The following KBTBD2 variants were observed in gnomAD, a reference collection of about 807,000 sequenced individuals.
The protein encoded by KBTBD2 is kelch repeat and BTB domain containing 2.
Under a neutral mutation model 57.1 loss-of-function variants are expected in KBTBD2, and 17 were observed. The observed-to-expected ratio is 0.30, with a 90% confidence interval of 0.20 to 0.45. The LOEUF is 0.45. KBTBD2 is among the 20% of genes least tolerant of loss of function. KBTBD2 has a pLI of 1.00. For synonymous variants in KBTBD2, 267 were observed against 262.7 expected, an observed-to-expected ratio of 1.02 and a Z score of -0.16; for missense variants, 515 against 750.6, an observed-to-expected ratio of 0.69 and a Z score of 3.67.
At chr7:32,882,095 T>G (rs1386725332) in intron 1 of KBTBD2, among the ~76,000 whole-genome samples, 1 of 152,196 alleles carries the variant, frequency 6.6e-6, no homozygotes, top group African/African-American at 2.4e-5. Flanking sequence ...CAACTTGATT[T>G]TTCAGAGCTT....
chr7:32,885,908 A>AG (rs1562537979), intron 1 of KBTBD2, among the ~76,000 whole-genome samples: 1 of 40,600 alleles, frequency 2.5e-5, no homozygotes, highest in African/African-American at 8.8e-5. Flanking sequence ...CTGTCTACAC[A>AG]CTTTTTTTTT....
intron 3 of KBTBD2, among the ~76,000 whole-genome samples, chr7:32,872,755 A>G (rs1338261617): frequency 6.6e-6 from 1 of 152,216 alleles, no homozygotes; most frequent in Non-Finnish European, 1.5e-5. Context: ...TGCTGACATG[A>G]CACTTGAAAT....
intron 1 of KBTBD2, among the ~76,000 whole-genome samples, chr7:32,883,388 C>T (rs1296601195): frequency 1.3e-5 from 2 of 151,930 alleles, no homozygotes; most frequent in African/African-American, 2.4e-5. Context: ...CTCTGTCTCA[C>T]GAAAATAAAA....
chr7:32,879,389 A>C (rs2127953151), intron 2 of KBTBD2, 46 bp downstream of exon 2: 1 of 1,416,668 alleles, frequency 7.1e-7, no homozygotes. Flanking sequence ...TAAAAAATTA[A>C]ATAACATTTC....
chr7:32,876,568 T>C (rs901927072), intron 2 of KBTBD2, among the ~76,000 whole-genome samples: 1 of 152,136 alleles, frequency 6.6e-6, no homozygotes, highest in Non-Finnish European at 1.5e-5. Context: ...CTATAAGAGC[T>C]AAAGGCTAGA....
intron 1 of KBTBD2, among the ~76,000 whole-genome samples, chr7:32,883,949 T>C (rs1784503849): frequency 6.6e-6 from 1 of 152,174 alleles, no homozygotes; most frequent in Admixed American, 6.5e-5. Flanking sequence ...AGCAAGCAAA[T>C]GAGTGAAGCA....
intron 1 of KBTBD2, among the ~76,000 whole-genome samples, chr7:32,885,773 A>G (rs971429546): frequency 5.9e-5 from 9 of 152,212 alleles, no homozygotes; most frequent in African/African-American, 2.2e-4. Flanking sequence ...TAAAAAGTGT[A>G]CATATTCTTA....
chr7:32,882,327 A>G (rs1784464668), intron 1 of KBTBD2, among the ~76,000 whole-genome samples: 1 of 152,230 alleles, frequency 6.6e-6, no homozygotes, highest in African/African-American at 2.4e-5. Flanking sequence ...TCATGCCGCT[A>G]GACCCCAGAA....
chr7:32,874,473 C>T (rs1268953885), intron 3 of KBTBD2: 5 of 151,678 alleles, frequency 3.3e-5, no homozygotes, highest in African/African-American at 1.2e-4. Flanking sequence ...TGGTGCACAC[C>T]TTTAGTCATC....
intron 3 of KBTBD2, among the ~76,000 whole-genome samples, chr7:32,874,074 G>T (rs1306168878): frequency 6.6e-6 from 1 of 152,094 alleles, no homozygotes; most frequent in African/African-American, 2.4e-5. Flanking sequence ...ACCAGCCTGG[G>T]CAACACAGTG....
rs1318712466 is a variant in KBTBD2, at chr7:32,868,504, T to C, written c.*841A>G. ...AGTAATGCTTGTTATTAAATTAAGA[T>C]GTAATGACCTGGTTAACCCACTCTA... On this transcript the variant is annotated 3_prime_UTR_variant, in exon 4 of 4. Transcript: ENST00000304056. The C allele has an allele frequency of 6.6e-6, 1 of 152,614 alleles. No individual in the cohort carries two copies. Among genetic ancestry groups the C allele is most frequent in the African/African-American group, 2.4e-5 (1 of 41,440 alleles). 9.5% of individuals were successfully genotyped at this position (152,614 alleles called of 1,614,324 possible). A position where few individuals can be genotyped will look rare whatever the true frequency, so the allele number is the denominator to read the frequency against.
intron 1 of KBTBD2, among the ~76,000 whole-genome samples, chr7:32,887,662 C>T (rs1784614357): frequency 6.6e-6 from 1 of 152,192 alleles, no homozygotes; most frequent in East Asian, 1.9e-4. Flanking sequence ...TCTCCCAATG[C>T]TACAAATGTC....
At position 32,870,873 on chromosome 7, in the gene KBTBD2, T is replaced by C; in HGVS notation, c.344A>G (p.Asp115Gly). The C allele has an allele frequency of 6.5e-7, 1 of 1,542,104 alleles. No homozygotes were observed. Among genetic ancestry groups the C allele is most frequent in the South Asian group, 1.2e-5 (1 of 81,288 alleles). Residue 115 changes from aspartate (D) to glycine (G), a missense_variant, in exon 4 of 4, where the codon GAT becomes GGT. Coordinates refer to ENST00000304056, the MANE Select transcript of KBTBD2 (RefSeq NM_015483.3). ...YETACFLQVE[D>G]VLQRCREYLI... is the part of the protein sequence containing the mutation. ...ATATTCTCGACAACGTTGTAACACA[T>C]CTTCTACCTAGAATGAGAAGGAAAA...
chr7:32,884,441 G>T (rs1224057961), intron 1 of KBTBD2, among the ~76,000 whole-genome samples: 1 of 148,024 alleles, frequency 6.8e-6, no homozygotes, highest in Non-Finnish European at 1.5e-5. Flanking sequence ...TGTAATCCCA[G>T]CACTTTGGGA....
chr7:32,889,123 C>G (rs1463142900), intron 1 of KBTBD2, among the ~76,000 whole-genome samples: 2 of 151,958 alleles, frequency 1.3e-5, no homozygotes, highest in African/African-American at 4.8e-5. Context: ...ACCATCCTGG[C>G]TAACACGGTG....
upstream of KBTBD2, chr7:32,891,866 G>A (rs1247503756): frequency 1.8e-5 from 2 of 110,528 alleles, no homozygotes; most frequent in African/African-American, 7.6e-5. Flanking sequence ...GGGGCCGCGA[G>A]ACGCCGGGCC....
At chr7:32,889,967 G>A (rs903535981) in intron 1 of KBTBD2, among the ~76,000 whole-genome samples, 1 of 152,206 alleles carries the variant, frequency 6.6e-6, no homozygotes, top group African/African-American at 2.4e-5. Flanking sequence ...CTATGGAGGA[G>A]CATGGACATA....
intron 1 of KBTBD2, among the ~76,000 whole-genome samples, chr7:32,889,019 C>G (rs1784658548): frequency 6.6e-6 from 1 of 152,074 alleles, no homozygotes; most frequent in Non-Finnish European, 1.5e-5. Flanking sequence ...CTTAAGAAAG[C>G]TGGGGAAAAG....
chr7:32,885,927 A>ATTTTTTTTTTTTTTTG (rs1784570122), intron 1 of KBTBD2, among the ~76,000 whole-genome samples: 10 of 81,870 alleles, frequency 1.2e-4, no homozygotes, highest in African/African-American at 4.9e-4. Flanking sequence ...TTTTTTTTTA[A>ATTTTTTTTTTTTTTTG]AGACAGAGTC....
Sources: gnomAD v4.1 joint callset for allele counts (sites outside exome capture counted in the v4.1 genomes callset) on GRCh38, gnomAD v4.1.1 for gene constraint, MANE v1.5 for transcripts, NCBI Gene and HGNC (gene_info 2026-07-23, HGNC 2026-07-21) for gene names.